TXNRD1: variants seen among roughly 807,000 people sequenced by gnomAD.
TXNRD1 encodes the protein thioredoxin reductase 1, cytoplasmic.
TXNRD1 carries 57 observed loss-of-function variants against 80.3 expected under a neutral mutation model. That is an observed-to-expected ratio of 0.71 (90% CI 0.57 to 0.89). TXNRD1 has a LOEUF of 0.89. Among genes scored for constraint, TXNRD1 ranks in the 40% least tolerant of loss-of-function variants. The pLI is 0.00. For synonymous variants in TXNRD1, 291 were observed against 285.2 expected (o/e 1.02, Z -0.20); for missense variants, 730 against 803.0 (o/e 0.91, Z 1.10).
At chr12:104,320,838 C>T (rs1410754246) in intron 9 of TXNRD1, among the ~76,000 whole-genome samples, 1 of 152,106 alleles carries the variant, frequency 6.6e-6, no homozygotes, top group African/African-American at 2.4e-5. Context: ...GACTAACTGA[C>T]TAATATCAGA....
At chr12:104,289,489 G>T in intron 4 of TXNRD1, 1 of 154,970 alleles carries the variant, frequency 6.5e-6, no homozygotes, top group Non-Finnish European at 1.4e-5. Context: ...GGAAACCCCA[G>T]GGTCTGGAGG....
intron 4 of TXNRD1, among the ~76,000 whole-genome samples, chr12:104,298,075 C>T (rs888446413): frequency 6.6e-6 from 1 of 152,106 alleles, no homozygotes; most frequent in Non-Finnish European, 1.5e-5. Flanking sequence ...ATGAGTGAGT[C>T]CAGATTATTT....
intron 10 of TXNRD1, among the ~76,000 whole-genome samples, chr12:104,323,480 G>A (rs1457082138): frequency 6.8e-6 from 1 of 146,454 alleles, no homozygotes; most frequent in African/African-American, 2.5e-5. Context: ...AGGGGCGGCC[G>A]GGCAGAGGCG....
chr12:104,324,200 C>T (rs2035671043), intron 10 of TXNRD1, among the ~76,000 whole-genome samples: 1 of 151,998 alleles, frequency 6.6e-6, no homozygotes, highest in Admixed American at 6.5e-5. Flanking sequence ...AGGATTAGAA[C>T]ATTTTGATTA....
In TXNRD1 at chr12:104,288,867, A is replaced by T. The variant is rs567583697; in HGVS notation, c.305-64A>T. ...GGGACGGAAGCCCCGCCCCCGGCGC[A>T]GTTCCCGCCTGTTAGCGGGGGAGAA... is the stretch of plus-strand genomic sequence containing the variant. On this transcript the variant is annotated intron_variant, in intron 3 of 16. Coordinates refer to ENST00000525566, the MANE Select transcript of TXNRD1 (RefSeq NM_001093771.3). 39 of 1,613,110 alleles carry T rather than the reference A, an allele frequency of 2.4e-5. No homozygotes were observed. In the African/African-American group the frequency reaches 4.8e-4, roughly 20 times the overall value.
intron 3 of TXNRD1, chr12:104,258,363 G>T: frequency 3.8e-6 from 1 of 264,880 alleles, no homozygotes; most frequent in Non-Finnish European, 7.0e-6. Flanking sequence ...GTATTTGCTG[G>T]TTTTATGGTA....
At chr12:104,322,340 G>A (rs2035562534) in intron 10 of TXNRD1, among the ~76,000 whole-genome samples, 1 of 148,904 alleles carries the variant, frequency 6.7e-6, no homozygotes, top group African/African-American at 2.5e-5. Flanking sequence ...GAAGCTGTCA[G>A]TGCTTGATTA....
rs2035953703 is a variant in TXNRD1, at chr12:104,331,705, T to C, written c.1650+64T>C. 3.7e-6 allele frequency: 4 copies of C among 1,069,900 alleles called. No individual in the cohort carries two copies. In the African/African-American group the frequency reaches 6.4e-5, roughly 17 times the overall value. The allele number at this position is 1,069,900 out of a possible 1,614,324, so 66.3% of individuals were successfully genotyped here. ...ACTTTTTTTTCTTCAGAATTTAAAA[T>C]ATATAGAAGACTTAAAAAATAGTAC... On this transcript the variant is annotated intron_variant, in intron 14 of 16. Transcript: ENST00000525566.
chr12:104,321,648 A>C (rs2035534564), intron 10 of TXNRD1, among the ~76,000 whole-genome samples: 1 of 152,162 alleles, frequency 6.6e-6, no homozygotes, highest in Admixed American at 6.5e-5. Context: ...AGAGATTTAA[A>C]TAAGAGTTCA....
At chr12:104,329,874 G>C (rs2135859044) in intron 13 of TXNRD1, among the ~76,000 whole-genome samples, 1 of 152,266 alleles carries the variant, frequency 6.6e-6, no homozygotes, top group Non-Finnish European at 1.5e-5. Flanking sequence ...CTGCACTGAG[G>C]CTTAGAAACT....
chr12:104,255,124 A>G (rs1488142361), intron 2 of TXNRD1, among the ~76,000 whole-genome samples: 2 of 152,036 alleles, frequency 1.3e-5, no homozygotes, highest in Non-Finnish European at 2.9e-5. Context: ...AATAAAAAAA[A>G]TAAAAATTAA....
intron 13 of TXNRD1, among the ~76,000 whole-genome samples, chr12:104,329,537 T>C (rs1391263255): frequency 6.6e-6 from 1 of 151,684 alleles, no homozygotes; most frequent in Non-Finnish European, 1.5e-5. Context: ...TAGTCCCAGC[T>C]ACACAGAGCG....
chr12:104,319,447 T>G (rs35799576), intron 8 of TXNRD1, 23 bp from the exon 9 acceptor site: 1 of 1,452,392 alleles, frequency 6.9e-7, no homozygotes, highest in East Asian at 2.4e-5. Context: ...CTTAATAAGG[T>G]TTTCATATTG....
In TXNRD1 at chr12:104,334,605, C is replaced by T. The variant is rs1565911770; in HGVS notation, c.1746+273C>T. On this transcript the variant is annotated intron_variant, in intron 15 of 16. Coordinates refer to ENST00000525566, the MANE Select transcript of TXNRD1 (RefSeq NM_001093771.3). Reference sequence around the variant, plus strand: ...CAGGCTGGTCTTGAACACCTGACCTCGTAATCTGCCTGTCTCGGCCTCCCA... The same window carrying T: ...CAGGCTGGTCTTGAACACCTGACCTTGTAATCTGCCTGTCTCGGCCTCCCA... Among the ~76,000 whole-genome samples the T allele has an allele frequency of 3.3e-5, 5 of 152,268 alleles. No homozygotes were observed. In the South Asian group the frequency reaches 1.0e-3, roughly 32 times the overall value.
intron 10 of TXNRD1, among the ~76,000 whole-genome samples, chr12:104,322,227 T>C (rs1053643692): frequency 6.6e-6 from 1 of 152,116 alleles, no homozygotes; most frequent in Non-Finnish European, 1.5e-5. Context: ...AGGATTGCAT[T>C]AGCCAACACT....
chr12:104,327,699 A>T, intron 13 of TXNRD1, 28 bp downstream of exon 13: 1 of 1,610,016 alleles, frequency 6.2e-7, no homozygotes, highest in Non-Finnish European at 8.5e-7. Context: ...TGCCCATTAG[A>T]TACTGTTGTC....
At chr12:104,236,179 G>A (rs949751112) in intron 1 of TXNRD1, among the ~76,000 whole-genome samples, 1 of 152,112 alleles carries the variant, frequency 6.6e-6, no homozygotes, top group Non-Finnish European at 1.5e-5. Flanking sequence ...CTGTAAATCC[G>A]ACTCCTCCCA....
intron 2 of TXNRD1, among the ~76,000 whole-genome samples, chr12:104,255,033 G>GA (rs949278507): frequency 2.0e-5 from 3 of 152,024 alleles, no homozygotes; most frequent in African/African-American, 7.2e-5. Flanking sequence ...TAAAACTCAG[G>GA]AAGCTGAGGG....
rs752628933 is a variant in TXNRD1 at position 104,310,038 on chromosome 12, A to G, written c.415-1252A>G. 14 of 1,536,008 alleles carry G rather than the reference A, an allele frequency of 9.1e-6. No homozygotes were observed. In the East Asian group the frequency reaches 2.2e-4, roughly 24 times the overall value. ...GAACCTTCTTCTTCCGCTGACCCCA[A>G]GCTCTGCCTTTCACCCCCTACATCT... On this transcript the variant is annotated intron_variant, in intron 4 of 16. Transcript: ENST00000525566.
Sources: allele counts gnomAD v4.1 joint callset (sites outside exome capture counted in the v4.1 genomes callset), GRCh38; gene constraint gnomAD v4.1.1; transcripts MANE v1.5; gene names NCBI Gene and HGNC (gene_info 2026-07-23, HGNC 2026-07-21).